Variants in RAB9B observed in about 807,000 individuals in gnomAD.
RAB9B encodes ras-related protein Rab-9B.
In RAB9B, 1 loss-of-function variant was observed where a neutral mutation model predicts 8.9. That is an observed-to-expected ratio of 0.11 (90% CI 0.04 to 0.53). The LOEUF is 0.53. Ranked by LOEUF, RAB9B falls within the 20% of genes least tolerant of loss-of-function variation. The probability of loss-of-function intolerance (pLI) is 0.93; values close to 1 mark genes in which losing one functional copy is unlikely to be tolerated. For synonymous variants in RAB9B, 63 were observed against 57.0 expected (o/e 1.10, Z -0.47); for missense variants, 82 against 152.9 (o/e 0.54, Z 2.45).
chrX:103,787,632 G>A, the RAB9B span: 1 of 502,752 alleles, frequency 2.0e-6, no homozygotes, highest in Non-Finnish European at 3.6e-6. Context: ...AGTAGATACT[G>A]CCAATTACCC....
chrX:103,793,874 A>G, the RAB9B span, among the ~76,000 whole-genome samples: 6 of 112,317 alleles, frequency 5.3e-5, no homozygotes, highest in Non-Finnish European at 1.1e-4. Flanking sequence ...TAAACAAGAA[A>G]CATTTTCTTA....
the RAB9B span, among the ~76,000 whole-genome samples, chrX:103,808,574 C>T: frequency 8.9e-6 from 1 of 112,738 alleles, no homozygotes; most frequent in Non-Finnish European, 1.9e-5. Context: ...GCACATGACC[C>T]ACCCCTCGTT....
chrX:103,823,125 T>TA lies in RAB9B; in HGVS notation c.*2053dup, dbSNP rs1340637327. ...GAAACTAGTATAAGCAGAGTGCAAG[T>TA]AGAAAGAGAAGGCCCCAGGTCTCAT... is the stretch of plus-strand genomic sequence containing the variant. On this transcript the variant is annotated 3_prime_UTR_variant, in exon 3 of 3. Transcript: ENST00000243298. 1 of 111,275 alleles carries TA rather than the reference T, an allele frequency of 9.0e-6. No individual in the cohort carries two copies. The highest frequency in any genetic ancestry group is 9.6e-5 in the Admixed American group (1 of 10,430). 9.2% of individuals were successfully genotyped at this position (111,275 alleles called of 1,213,427 possible).
At chrX:103,809,916 C>T in the RAB9B span, among the ~76,000 whole-genome samples, 9 of 110,709 alleles carry the variant, frequency 8.1e-5, no homozygotes, top group African/African-American at 2.0e-4. Flanking sequence ...AAGTATGTGC[C>T]ACTGTACCTG....
At chrX:103,779,580 G>T in the RAB9B span, among the ~76,000 whole-genome samples, 4 of 111,914 alleles carry the variant, frequency 3.6e-5, no homozygotes, top group Admixed American at 1.9e-4. Context: ...CCCTTTGGCC[G>T]TGCAGAGCCA....
Position 103,825,493 on chromosome X carries a change from G to C in RAB9B, c.292C>G (p.Leu98Val). ...SVDDRQSFEN[L>V]GNWQKEFIYY... ...ATAAATTCTTTCTGCCAGTTACCAA[G>C]ATTCTCGAAGCTCTGCCGATCATCC... The change falls in exon 3 of 3, where the codon CTT (leucine) becomes GTT (valine). Residue 98 changes from leucine to valine, a missense_variant. Physicochemically the swap from Leu to Val is conservative, Grantham distance 32. Transcript: ENST00000243298. The C allele has an allele frequency of 8.3e-7, 1 of 1,211,436 alleles. No homozygotes were observed. Among genetic ancestry groups the C allele is most frequent in the South Asian group, 1.8e-5 (1 of 56,953 alleles).
the RAB9B span, among the ~76,000 whole-genome samples, chrX:103,807,289 G>A: frequency 8.9e-6 from 1 of 111,733 alleles, no homozygotes; most frequent in Non-Finnish European, 1.9e-5. Context: ...GATTGAAACA[G>A]CCTCATCTCT....
the RAB9B span, chrX:103,788,866 G>A: frequency 3.5e-6 from 1 of 284,875 alleles, no homozygotes; most frequent in Non-Finnish European, 6.2e-6. Flanking sequence ...GGCATTCATA[G>A]GTTTTATGAA....
rs1181607338 is a variant in RAB9B at position 103,832,104 on chromosome X, C to G, written c.-161G>C. On this transcript the variant is annotated 5_prime_UTR_variant, in exon 1 of 3. Coordinates refer to ENST00000243298, the MANE Select transcript of RAB9B (RefSeq NM_016370.4). ...ACAGGAGAGGGCCGCGGGTGCCAGG[C>G]AGGTCAGCTCTGCGTGCCGGGAATC... 1 of 112,625 alleles carries G rather than the reference C, an allele frequency of 8.9e-6. No individual in the cohort carries two copies. Among genetic ancestry groups the G allele is most frequent in the Non-Finnish European group, 1.9e-5 (1 of 53,171 alleles). The allele number at this position is 112,625 out of a possible 1,213,427, so 9.3% of individuals were successfully genotyped here.
the RAB9B span, chrX:103,786,956 T>C: frequency 2.3e-6 from 1 of 432,746 alleles, no homozygotes; most frequent in Non-Finnish European, 4.0e-6. Context: ...ACAGAAAGCA[T>C]GAGTTTTGTG....
chrX:103,785,666 C>T, the RAB9B span: 1 of 1,209,511 alleles, frequency 8.3e-7, no homozygotes, highest in Non-Finnish European at 1.1e-6. Flanking sequence ...TTTGGGGTGG[C>T]ACTGTTCTGT....
the RAB9B span, among the ~76,000 whole-genome samples, chrX:103,784,326 G>A: frequency 2.7e-5 from 3 of 111,724 alleles, no homozygotes; most frequent in Non-Finnish European, 5.6e-5. Context: ...TGCTGACTTT[G>A]TATAAAGTCT....
the RAB9B span, among the ~76,000 whole-genome samples, chrX:103,799,852 A>G: frequency 9.0e-6 from 1 of 111,533 alleles, no homozygotes; most frequent in South Asian, 3.9e-4. Flanking sequence ...TCATTCATTC[A>G]TTTTACTGAC....
the RAB9B span, among the ~76,000 whole-genome samples, chrX:103,794,828 T>C: frequency 2.7e-5 from 3 of 112,302 alleles, no homozygotes; most frequent in Non-Finnish European, 3.8e-5. Flanking sequence ...ACTCACTTGT[T>C]TGAAAGACGC....
rs184550640 is a variant in RAB9B, at chrX:103,823,396, T to C, written c.*1783A>G. 1 of 111,715 alleles carries C rather than the reference T, an allele frequency of 9.0e-6. No homozygotes were observed. Among genetic ancestry groups the C allele is most frequent in the East Asian group, 2.8e-4 (1 of 3,564 alleles). The allele number at this position is 111,715 out of a possible 1,213,427, so 9.2% of individuals were successfully genotyped here. Reference sequence around the variant, plus strand: ...AATATTGAGTATGACTGAGTTGAAATACTGTCCTCTTCTTTTCTATTTGGC... The same window carrying C: ...AATATTGAGTATGACTGAGTTGAAACACTGTCCTCTTCTTTTCTATTTGGC... On this transcript the variant is annotated 3_prime_UTR_variant, in exon 3 of 3. Transcript: ENST00000243298.
At chrX:103,786,816 C>T in the RAB9B span, 1 of 970,659 alleles carries the variant, frequency 1.0e-6, no homozygotes, top group Non-Finnish European at 1.5e-6. Context: ...AAGGCTGGGT[C>T]CTCTCTAGGG....
At chrX:103,787,817 C>T in the RAB9B span, 2 of 1,209,846 alleles carry the variant, frequency 1.7e-6, no homozygotes, top group East Asian at 5.9e-5. Context: ...ATCACCTATG[C>T]CCTGACCGTT....
the RAB9B span, chrX:103,785,567 C>CT: frequency 1.7e-6 from 2 of 1,202,114 alleles, no homozygotes; most frequent in African/African-American, 3.5e-5. Flanking sequence ...ACTGTTTCCC[C>CT]TTCTTCTTCC....
the RAB9B span, chrX:103,789,392 T>C: frequency 8.3e-7 from 1 of 1,198,411 alleles, no homozygotes; most frequent in Non-Finnish European, 1.1e-6. Context: ...CTACACTGGT[T>C]TCCCTGGTGA....
Sources: gnomAD v4.1 joint callset for allele counts (sites outside exome capture counted in the v4.1 genomes callset) on GRCh38, gnomAD v4.1.1 for gene constraint, MANE v1.5 for transcripts, NCBI Gene and HGNC (gene_info 2026-07-23, HGNC 2026-07-21) for gene names.